BRCA2: variants seen among roughly 807,000 people sequenced by gnomAD.
BRCA2 encodes the protein BRCA2 DNA repair associated, also known as breast cancer type 2 susceptibility protein.
Under a neutral mutation model 276.7 loss-of-function variants are expected in BRCA2, and 203 were observed. That is an observed-to-expected ratio of 0.73 (90% CI 0.65 to 0.82). The LOEUF (loss-of-function observed/expected upper bound fraction) is 0.82, where lower values mean the gene tolerates loss of function less well. Ranked by LOEUF, BRCA2 falls within the 40% of genes least tolerant of loss-of-function variation. The pLI is 0.00. For synonymous variants in BRCA2, 1,289 were observed against 1,338.4 expected (o/e 0.96, Z 0.81); for missense variants, 3,920 against 3,915.0 (o/e 1.00, Z -0.03).
At chr13:32,329,411 A>T (rs1234307738) in intron 7 of BRCA2, 32 bp from the exon 8 acceptor site, 1 of 1,514,290 alleles carries the variant, frequency 6.6e-7, no homozygotes, top group Non-Finnish European at 9.1e-7. Context: ...TCTAGTGATA[A>T]TATACAATAC....
At chr13:32,367,541 C>T (rs551081846) in intron 18 of BRCA2, among the ~76,000 whole-genome samples, 6 of 150,714 alleles carry the variant, frequency 4.0e-5, no homozygotes, top group Admixed American at 3.3e-4. Flanking sequence ...CAGTGTCTCA[C>T]GCGTGTAATT....
intron 11 of BRCA2, among the ~76,000 whole-genome samples, chr13:32,343,786 A>G (rs543560632): frequency 2.2e-4 from 33 of 152,268 alleles, no homozygotes; most frequent in Admixed American, 7.2e-4. Flanking sequence ...TCTGTAACAT[A>G]TAAGTGTATA....
chr13:32,336,504 T>G lies in BRCA2; in HGVS notation c.2149T>G (p.Cys717Gly), dbSNP rs1555282483. Residue 717 changes from cysteine to glycine, a missense_variant, in exon 11 of 27, where the codon TGT becomes GGT. By Grantham distance (159) the Cys-to-Gly change is radical. Coordinates refer to ENST00000380152, the MANE Select transcript of BRCA2 (RefSeq NM_000059.4). ...DSLSCLQEGQCENDPKSKKVS... is the reference protein window; with the variant it reads ...DSLSCLQEGQGENDPKSKKVS... The stretch of plus-strand genomic sequence containing the variant: ...TCTGTCATGCCTGCAGGAAGGACAG[T>G]GTGAAAATGATCCAAAAAGCAAAAA... 6.2e-7 allele frequency: 1 copy of G among 1,614,006 alleles called. No individual in the cohort carries two copies. Among genetic ancestry groups the G allele is most frequent in the Non-Finnish European group, 8.5e-7 (1 of 1,180,004 alleles).
In BRCA2 at chr13:32,338,052, G is replaced by A. The variant is rs80358613; in HGVS notation, c.3697G>A (p.Ala1233Thr). The A allele has an allele frequency of 3.7e-6, 6 of 1,611,364 alleles. No homozygotes were observed. In the Admixed American group the frequency reaches 8.4e-5, roughly 23 times the overall value. ...HGTKLNVSTEALQKAVKLFSD... is the reference protein window; with the variant it reads ...HGTKLNVSTETLQKAVKLFSD... ...CACAAAACTGAATGTTTCTACTGAAGCTCTGCAAAAAGCTGTGAAACTGTT... is the reference window on the plus strand; with the variant it reads ...CACAAAACTGAATGTTTCTACTGAAACTCTGCAAAAAGCTGTGAAACTGTT... The change falls in exon 11 of 27, where the codon GCT becomes ACT. Residue 1233 changes from alanine (A) to threonine (T), a missense_variant. Coordinates refer to ENST00000380152, the MANE Select transcript of BRCA2 (RefSeq NM_000059.4).
intron 3 of BRCA2, among the ~76,000 whole-genome samples, chr13:32,323,973 A>T (rs933417244): frequency 6.6e-5 from 10 of 152,224 alleles, no homozygotes; most frequent in African/African-American, 2.4e-4. Flanking sequence ...TAGAAAATGG[A>T]TGTGTTCAAT....
chr13:32,365,721 CTT>C (rs36116910), intron 18 of BRCA2, among the ~76,000 whole-genome samples: 19 of 105,866 alleles, frequency 1.8e-4, no homozygotes, highest in African/African-American at 5.4e-4. Flanking sequence ...ACTTTGGTGT[CTT>C]TTTTTTTTTT....
intron 13 of BRCA2, among the ~76,000 whole-genome samples, chr13:32,350,779 T>C (rs1459918817): frequency 1.3e-5 from 2 of 151,652 alleles, no homozygotes; most frequent in East Asian, 3.9e-4. Context: ...AATAAAAAAA[T>C]AAAATAAAAT....
chr13:32,386,636 A>G (rs1456934525), intron 24 of BRCA2, among the ~76,000 whole-genome samples: 2 of 152,296 alleles, frequency 1.3e-5, no homozygotes, highest in East Asian at 3.9e-4. Flanking sequence ...CTGGACTTAC[A>G]CTAAAATAAA....
At chr13:32,352,283 C>T (rs752539310) in intron 13 of BRCA2, among the ~76,000 whole-genome samples, 1 of 151,378 alleles carries the variant, frequency 6.6e-6, no homozygotes, top group African/African-American at 2.4e-5. Context: ...TACGTATTTA[C>T]CCGTGTATTA....
rs117503655 is a variant in BRCA2, at chr13:32,371,704, A to G, written c.8632+604A>G. Among the ~76,000 whole-genome samples the G allele has an allele frequency of 4.6e-3, 706 of 152,318 alleles. 5 individuals are homozygous for G. Among genetic ancestry groups the G allele is most frequent in the Non-Finnish European group, 7.7e-3 (527 of 68,016 alleles). On this transcript the variant is annotated intron_variant, in intron 20 of 26. Coordinates refer to ENST00000380152, the MANE Select transcript of BRCA2 (RefSeq NM_000059.4). ...ATACTATTTTCATAAATAAATGAATATGAAATCATTCACAGGCATACCTCA... is the reference window on the plus strand; with the variant it reads ...ATACTATTTTCATAAATAAATGAATGTGAAATCATTCACAGGCATACCTCA...
At chr13:32,396,043 G>A (rs1305897749) in intron 25 of BRCA2, 2 of 203,052 alleles carry the variant, frequency 9.8e-6, no homozygotes, top group Admixed American at 7.3e-5. Flanking sequence ...GCACAATCTC[G>A]GATCACTGCA....
chr13:32,394,894 CT>C lies in BRCA2; in HGVS notation c.9465del (p.Gln3156LysfsTer7), dbSNP rs1296301971. On this transcript the variant is annotated frameshift_variant, in exon 25 of 27. Transcript: ENST00000380152. LOFTEE classifies it high-confidence loss of function. ...TTTCTGCTAGTCCAAAAGAGGGCCA[CT>C]TTCAAGAGACATTCAACAAAATGAA... is the stretch of plus-strand genomic sequence containing the variant. Reference protein sequence around the residue: ...VFSASPKEGHFQETFNKMKNT... With the variant: ...VFSASPKEGHXQETFNKMKNT... 6.2e-7 allele frequency: 1 copy of C among 1,613,980 alleles called. No homozygotes were observed. Among genetic ancestry groups the C allele is most frequent in the East Asian group, 2.2e-5 (1 of 44,876 alleles).
chr13:32,323,343 CGG>C (rs1380414140), intron 3 of BRCA2, among the ~76,000 whole-genome samples: 1 of 151,888 alleles, frequency 6.6e-6, no homozygotes, highest in Admixed American at 6.6e-5. Flanking sequence ...TTAGTAGAGA[CGG>C]GGTTTCACTG....
chr13:32,375,313 G>A (rs1482174645), intron 20 of BRCA2: 1 of 419,794 alleles, frequency 2.4e-6, no homozygotes, highest in Admixed American at 2.6e-5. Flanking sequence ...TCTAATTCTA[G>A]TTCTCTTGCT....
chr13:32,355,648 G>C (rs142015910), intron 14 of BRCA2, among the ~76,000 whole-genome samples: 45 of 152,108 alleles, frequency 3.0e-4, no homozygotes, highest in Middle Eastern at 6.8e-3. Flanking sequence ...GATCACCTGA[G>C]GTCAGGAGTT....
Position 32,370,500 on chromosome 13 carries a change from T to G in BRCA2, c.8430T>G (p.Ser2810Arg), listed in dbSNP as rs876658487. ...CTCTGCCCTTATCATCGCTTTTCAG[T>G]GATGGAGGAAATGTTGGTTGTGTTG... ...PFPLPLSSLF[S>R]DGGNVGCVDV... Residue 2810 changes from serine to arginine, a missense_variant, in exon 19 of 27, where the codon AGT (serine) becomes AGG (arginine). By Grantham distance (110) the Ser-to-Arg change is moderately radical (BLOSUM62 -1). Coordinates refer to ENST00000380152, the MANE Select transcript of BRCA2 (RefSeq NM_000059.4). 6.2e-7 allele frequency: 1 copy of G among 1,613,588 alleles called. No individual in the cohort carries two copies. Among genetic ancestry groups the G allele is most frequent in the Non-Finnish European group, 8.5e-7 (1 of 1,179,584 alleles).
At position 32,339,396 on chromosome 13, in the gene BRCA2, G is replaced by A. The variant is rs2137513214; in HGVS notation, c.5041G>A (p.Val1681Met). 1 of 1,595,860 alleles carries A rather than the reference G, an allele frequency of 6.3e-7. No homozygotes were observed. The highest frequency in any genetic ancestry group is 1.1e-5 in the South Asian group (1 of 87,132). Residue 1681 changes from valine to methionine, a missense_variant, in exon 11 of 27, where the codon GTG (valine) becomes ATG (methionine). Around this residue, in one of 2 missense-constraint regions of BRCA2, gnomAD observed 3,263 missense variants for 3,156.9 expected, o/e 1.03. Coordinates refer to ENST00000380152, the MANE Select transcript of BRCA2 (RefSeq NM_000059.4). Reference protein sequence around the residue: ...FYTSCSRKTSVSQTSLLEAKK... With the variant: ...FYTSCSRKTSMSQTSLLEAKK... The stretch of plus-strand genomic sequence containing the variant: ...CACAAGTTGTAGTAGAAAAACTTCT[G>A]TGAGTCAGACTTCATTACTTGAAGC...
intron 9 of BRCA2, 21 bp from the exon 10 acceptor site, chr13:32,332,251 T>G (rs767257612): frequency 1.3e-6 from 2 of 1,568,720 alleles, no homozygotes; most frequent in Admixed American, 3.5e-5. Context: ...ATTAATGTGC[T>G]TCTGTTTTAT....
intron 20 of BRCA2, among the ~76,000 whole-genome samples, chr13:32,373,211 T>G (rs1434666425): frequency 6.6e-6 from 1 of 151,656 alleles, no homozygotes; most frequent in Non-Finnish European, 1.5e-5. Flanking sequence ...AGGCTAGTCT[T>G]AAAACTCCTA....
Sources: allele counts gnomAD v4.1 joint callset (sites outside exome capture counted in the v4.1 genomes callset), GRCh38; gene constraint gnomAD v4.1.1; regional missense constraint gnomAD v4.1.1; transcripts MANE v1.5; gene names NCBI Gene and HGNC (gene_info 2026-07-23, HGNC 2026-07-21).